The following PGM2L1 variants were observed in gnomAD, a reference collection of about 807,000 sequenced individuals.
PGM2L1 encodes glucose 1,6-bisphosphate synthase.
Under a neutral mutation model 73.4 loss-of-function variants are expected in PGM2L1, and 35 were observed. The observed-to-expected ratio is 0.48, with a 90% CI of 0.36 to 0.63. PGM2L1 has a LOEUF of 0.63. Ranked by LOEUF, PGM2L1 falls within the 30% of genes least tolerant of loss-of-function variation. The probability of loss-of-function intolerance (pLI) is 0.00; values close to 1 mark genes in which losing one functional copy is unlikely to be tolerated. For missense variants in PGM2L1, 570 were observed against 742.0 expected, an observed-to-expected ratio of 0.77 and a Z score of 2.69; for synonymous variants, 225 against 253.8, an observed-to-expected ratio of 0.89 and a Z score of 1.08.
intron 1 of PGM2L1, among the ~76,000 whole-genome samples, chr11:74,393,942 C>T (rs1461417493): frequency 6.6e-6 from 1 of 150,456 alleles, no homozygotes; most frequent in Non-Finnish European, 1.5e-5. Flanking sequence ...GCCAGCAAAA[C>T]TGGTCTATAA....
intron 12 of PGM2L1, among the ~76,000 whole-genome samples, chr11:74,340,932 TA>T (rs1160470134): frequency 6.6e-6 from 1 of 151,840 alleles, no homozygotes; most frequent in African/African-American, 2.4e-5. Flanking sequence ...TGCAGAAATT[TA>T]AAAAAAATGT....
chr11:74,362,349 G>A (rs376527176), intron 5 of PGM2L1, among the ~76,000 whole-genome samples: 2 of 152,114 alleles, frequency 1.3e-5, no homozygotes, highest in African/African-American at 4.8e-5. Flanking sequence ...ATGCTGAGAG[G>A]TTTTGTCACC....
At position 74,370,972 on chromosome 11, in the gene PGM2L1, G is replaced by A; in HGVS notation, c.401C>T (p.Thr134Ile). 6.2e-7 allele frequency: 1 copy of A among 1,613,084 alleles called. No individual in the cohort carries two copies. The highest frequency in any genetic ancestry group is 8.5e-7 in the Non-Finnish European group (1 of 1,179,264). Residue 134 changes from threonine to isoleucine, a missense_variant, in exon 4 of 14, where the codon ACT becomes ATT. Thr to Ile is a moderately conservative substitution (Grantham distance 89). Transcript: ENST00000298198. ...ATCTTTGGCCAGCAAGACTGCAGCA[G>A]TGAGTTTAGCAAGCCTAAAAAAAGA... ...SCSSQRLAKL[T>I]AAVLLAKDVP...
At chr11:74,361,792 G>T (rs1350186831) in intron 5 of PGM2L1, among the ~76,000 whole-genome samples, 1 of 152,152 alleles carries the variant, frequency 6.6e-6, no homozygotes, top group African/African-American at 2.4e-5. Context: ...GGAAGAAAGG[G>T]TATCAGTGAT....
At chr11:74,359,492 A>G (rs1050442733) in intron 5 of PGM2L1, among the ~76,000 whole-genome samples, 2 of 152,080 alleles carry the variant, frequency 1.3e-5, no homozygotes, top group African/African-American at 2.4e-5. Flanking sequence ...GTTAAAATAC[A>G]CATATTGACT....
intron 1 of PGM2L1, among the ~76,000 whole-genome samples, chr11:74,380,829 C>G (rs1437403834): frequency 1.3e-5 from 2 of 152,088 alleles, no homozygotes; most frequent in African/African-American, 4.8e-5. Flanking sequence ...TATTGTCTTT[C>G]TACAACTATT....
At position 74,369,065 on chromosome 11, in the gene PGM2L1, A is replaced by G. The variant is rs575955771; in HGVS notation, c.472-490T>C. ...TTCAGTTACCACGGTAATATTAGCCATAACTGCATCAAGTACACACTTGGC... is the reference window on the plus strand; with the variant it reads ...TTCAGTTACCACGGTAATATTAGCCGTAACTGCATCAAGTACACACTTGGC... On this transcript the variant is annotated intron_variant, in intron 4 of 13. Coordinates refer to ENST00000298198, the MANE Select transcript of PGM2L1 (RefSeq NM_173582.6). 7.6e-4 allele frequency among the ~76,000 whole-genome samples: 116 copies of G among 152,340 alleles called. 1 individual carries two copies. Among genetic ancestry groups the G allele is most frequent in the African/African-American group, 2.6e-3 (110 of 41,580 alleles).
chr11:74,371,440 G>A (rs1337743014), intron 3 of PGM2L1, among the ~76,000 whole-genome samples: 3 of 151,920 alleles, frequency 2.0e-5, no homozygotes, highest in Admixed American at 6.6e-5. Context: ...ACTACTACCC[G>A]GTGCCTTTGC....
At chr11:74,338,425 A>T (rs748277008) in intron 13 of PGM2L1, 43 bp downstream of exon 13, 1 of 1,467,590 alleles carries the variant, frequency 6.8e-7, no homozygotes, top group Non-Finnish European at 9.3e-7. Context: ...ATTATATTTC[A>T]ATAAAGCTTT....
At chr11:74,383,560 T>A (rs1301203802) in intron 1 of PGM2L1, among the ~76,000 whole-genome samples, 1 of 151,868 alleles carries the variant, frequency 6.6e-6, no homozygotes, top group Non-Finnish European at 1.5e-5. Flanking sequence ...AGGTATTAAG[T>A]CCCACATGCA....
chr11:74,366,274 A>T (rs1197655791), intron 5 of PGM2L1, among the ~76,000 whole-genome samples: 1 of 151,912 alleles, frequency 6.6e-6, no homozygotes, highest in African/African-American at 2.4e-5. Context: ...TGATGAGTTA[A>T]TGGGTGCAGC....
At chr11:74,364,697 A>G (rs373789505) in intron 5 of PGM2L1, among the ~76,000 whole-genome samples, 5 of 151,936 alleles carry the variant, frequency 3.3e-5, no homozygotes, top group East Asian at 1.9e-4. Flanking sequence ...ACAAACCACT[A>G]CTCAACGAAA....
At chr11:74,346,302 CA>C (rs1374848894) in intron 8 of PGM2L1, among the ~76,000 whole-genome samples, 6 of 86,962 alleles carry the variant, frequency 6.9e-5, no homozygotes, top group African/African-American at 2.7e-4. Context: ...AAAAAGCAAA[CA>C]AACAAAAAAA....
At chr11:74,338,249 C>T (rs1862126935) in intron 13 of PGM2L1, among the ~76,000 whole-genome samples, 1 of 152,048 alleles carries the variant, frequency 6.6e-6, no homozygotes, top group Non-Finnish European at 1.5e-5. Context: ...ATTGGGGTTG[C>T]TGAGGGCCGT....
chr11:74,367,987 G>A (rs1248011275), intron 5 of PGM2L1, among the ~76,000 whole-genome samples: 1 of 152,046 alleles, frequency 6.6e-6, no homozygotes, highest in Non-Finnish European at 1.5e-5. Context: ...CCAAATCGTG[G>A]TTCAATACTG....
At chr11:74,380,431 G>A (rs1862923853) in intron 1 of PGM2L1, among the ~76,000 whole-genome samples, 1 of 151,804 alleles carries the variant, frequency 6.6e-6, no homozygotes, top group Admixed American at 6.6e-5. Flanking sequence ...AAAATTGGTA[G>A]AAATTAACAT....
At chr11:74,344,639 A>C (rs1478349046) in intron 9 of PGM2L1, among the ~76,000 whole-genome samples, 1 of 152,198 alleles carries the variant, frequency 6.6e-6, no homozygotes. Context: ...CAAGCAAATA[A>C]AATTATAATA....
rs2134964112 is a variant in PGM2L1 at position 74,398,296 on chromosome 11, T to C, written c.-135A>G. ...GCATCGGAGACCAACCGCAGGGTGT[T>C]CGTAACAGCTCCTGCCGCGGCGTCA... On this transcript the variant is annotated 5_prime_UTR_variant, in exon 1 of 14. Transcript: ENST00000298198. The C allele has an allele frequency of 3.0e-6, 4 of 1,320,946 alleles. No individual in the cohort carries two copies. In the East Asian group the frequency reaches 1.1e-4, roughly 37 times the overall value. 81.8% of individuals were successfully genotyped at this position (1,320,946 alleles called of 1,614,324 possible). A position where few individuals can be genotyped will look rare whatever the true frequency, so the allele number is the denominator to read the frequency against.
In PGM2L1 at chr11:74,342,528, G is replaced by A. The variant is rs146960261; in HGVS notation, c.1565C>T (p.Thr522Ile). Residue 522 changes from threonine to isoleucine, a missense_variant, in exon 12 of 14, where the codon ACA becomes ATA. Transcript: ENST00000298198. ...GTCCCGTACATGCAATATAGCAAAT[G>A]TTCCACAAAATTTTGGATATTCTTT... ...SPKEYPKFCGTFAILHVRDVT... is the reference protein window; with the variant it reads ...SPKEYPKFCGIFAILHVRDVT... The A allele has an allele frequency of 2.4e-3, 3,807 of 1,609,584 alleles. 3 individuals carry two copies. Among genetic ancestry groups the A allele is most frequent in the Non-Finnish European group, 3.1e-3 (3,609 of 1,177,658 alleles).
Sources: allele counts gnomAD v4.1 joint callset (sites outside exome capture counted in the v4.1 genomes callset), GRCh38; gene constraint gnomAD v4.1.1; transcripts MANE v1.5; gene names NCBI Gene and HGNC (gene_info 2026-07-23, HGNC 2026-07-21).